Variants in BBS9 observed in about 807,000 individuals in gnomAD.
The protein encoded by BBS9 is protein PTHB1.
A neutral mutation model predicts 117.7 loss-of-function variants in BBS9; 89 were observed. The ratio of observed to expected loss-of-function variants is 0.76; its 90% CI spans 0.64 to 0.90. BBS9 has a LOEUF of 0.90. BBS9 is among the 40% of genes least tolerant of loss of function. The pLI is 0.00. For synonymous variants in BBS9, 379 were observed against 370.9 expected (o/e 1.02, Z -0.25); for missense variants, 982 against 1,042.2 (o/e 0.94, Z 0.80).
chr7:33,208,780 C>A (rs1787446236), intron 5 of BBS9, among the ~76,000 whole-genome samples: 1 of 145,436 alleles, frequency 6.9e-6, no homozygotes, highest in South Asian at 2.2e-4. Flanking sequence ...CTATTATTTT[C>A]TGAATTCAGG....
At chr7:33,500,097 G>T (rs1282982110) in intron 19 of BBS9, among the ~76,000 whole-genome samples, 14 of 152,296 alleles carry the variant, frequency 9.2e-5, no homozygotes. Flanking sequence ...TACAAGTTAT[G>T]AACTAATTTC....
At chr7:33,477,519 T>G (rs1224403040) in intron 19 of BBS9, among the ~76,000 whole-genome samples, 1 of 152,178 alleles carries the variant, frequency 6.6e-6, no homozygotes, top group East Asian at 1.9e-4. Flanking sequence ...TATTATTTTT[T>G]TTAAAGCTTG....
chr7:33,340,922 A>G lies in BBS9; in HGVS notation c.1224A>G (p.Glu408=). 3 of 1,613,644 alleles carry G rather than the reference A, an allele frequency of 1.9e-6. No homozygotes were observed. The highest frequency in any genetic ancestry group is 2.5e-6 in the Non-Finnish European group (3 of 1,179,656). ...SQGVWPMTER[E]DDLNVSVVVS... ...GTGTTTGGCCCATGACTGAGAGAGA[A>G]GATGACTTGAACGTTTCTGTCGTGG... Residue 408 remains glutamate (E), a synonymous_variant, in exon 11 of 23, where the codon GAA becomes GAG. Transcript: ENST00000242067.
intron 21 of BBS9, among the ~76,000 whole-genome samples, chr7:33,562,223 A>G (rs1035025690): frequency 6.6e-6 from 1 of 152,246 alleles, no homozygotes; most frequent in Non-Finnish European, 1.5e-5. Flanking sequence ...AAAGGATGAA[A>G]TTGAAATGTA....
intron 5 of BBS9, chr7:33,177,805 G>A (rs1453287719): frequency 1.8e-6 from 1 of 546,704 alleles, no homozygotes; most frequent in Non-Finnish European, 3.3e-6. Flanking sequence ...TCAGGGTCAG[G>A]CCTGGTTAGT....
chr7:33,418,070 G>A (rs1319789928), intron 19 of BBS9, among the ~76,000 whole-genome samples: 1 of 152,162 alleles, frequency 6.6e-6, no homozygotes, highest in Non-Finnish European at 1.5e-5. Context: ...GTATAGGGTA[G>A]GTGTCTCTAA....
intron 17 of BBS9, among the ~76,000 whole-genome samples, chr7:33,374,677 G>A (rs763645905): frequency 2.0e-5 from 3 of 152,024 alleles, no homozygotes; most frequent in African/African-American, 4.8e-5. Context: ...CGAGGTGGGT[G>A]GATCACCTAA....
chr7:33,567,287 CT>C (rs557558774), intron 21 of BBS9, among the ~76,000 whole-genome samples: 126 of 152,318 alleles, frequency 8.3e-4, no homozygotes, highest in African/African-American at 2.9e-3. Context: ...TCTCTCTCTT[CT>C]TTAAATGTGC....
Position 33,152,835 on chromosome 7 carries a change from G to C in BBS9, c.247G>C (p.Val83Leu). ...DLRDPVLQVE[V>L]GKFVSGTEML... The stretch of plus-strand genomic sequence containing the variant: ...ACGAGATCCAGTACTTCAAGTGGAA[G>C]TAGGAAAGTTTGTTTCGTAAGTAAG... The change falls in exon 3 of 23, where the codon GTA becomes CTA. Residue 83 changes from valine to leucine, a missense_variant. Physicochemically the swap from Val to Leu is conservative, Grantham distance 32. Coordinates refer to ENST00000242067, the MANE Select transcript of BBS9 (RefSeq NM_198428.3). 1 of 1,613,996 alleles carries C rather than the reference G, an allele frequency of 6.2e-7. No homozygotes were observed. Among genetic ancestry groups the C allele is most frequent in the Non-Finnish European group, 8.5e-7 (1 of 1,179,962 alleles).
chr7:33,602,977 A>T (rs573506944), intron 21 of BBS9, among the ~76,000 whole-genome samples: 2 of 152,188 alleles, frequency 1.3e-5, no homozygotes, highest in Non-Finnish European at 2.9e-5. Context: ...AGCCCACGTG[A>T]TAGAGAACTA....
At chr7:33,440,039 T>C (rs1436755404) in intron 19 of BBS9, among the ~76,000 whole-genome samples, 2 of 152,190 alleles carry the variant, frequency 1.3e-5, no homozygotes, top group Non-Finnish European at 2.9e-5. Context: ...TAATGTTTCC[T>C]TGCAGTGTGA....
chr7:33,170,824 G>T (rs1239454960), intron 4 of BBS9, among the ~76,000 whole-genome samples: 2 of 151,742 alleles, frequency 1.3e-5, no homozygotes, highest in Non-Finnish European at 2.9e-5. Context: ...CAAACAGAGA[G>T]CCAAATCATG....
rs73097267 is a variant in BBS9 at position 33,234,832 on chromosome 7, T to C, written c.443-22404T>C. Among the ~76,000 whole-genome samples the C allele has an allele frequency of 8.2e-3, 1,252 of 152,208 alleles. 6 individuals are homozygous for C. The highest frequency in any genetic ancestry group is 0.014 in the Non-Finnish European group (944 of 67,970). ...TAAGGTTTGAATGGCATAATGGCAG[T>C]CTCAAGGGAATGGAGAAAAAGTTCT... On this transcript the variant is annotated intron_variant, in intron 5 of 22. Coordinates refer to ENST00000242067, the MANE Select transcript of BBS9 (RefSeq NM_198428.3).
At chr7:33,206,490 C>A (rs1786951689) in intron 5 of BBS9, among the ~76,000 whole-genome samples, 1 of 151,968 alleles carries the variant, frequency 6.6e-6, no homozygotes, top group Admixed American at 6.6e-5. Flanking sequence ...ATCCCTTTAC[C>A]CAGGTTTGCC....
intron 5 of BBS9, among the ~76,000 whole-genome samples, chr7:33,216,415 G>A (rs1338161539): frequency 2.0e-5 from 3 of 152,280 alleles, no homozygotes; most frequent in East Asian, 3.9e-4. Flanking sequence ...AAAGGGATTA[G>A]TGTGTCTGCA....
intron 21 of BBS9, among the ~76,000 whole-genome samples, chr7:33,577,276 A>G (rs1340818528): frequency 6.6e-6 from 1 of 152,260 alleles, no homozygotes; most frequent in Admixed American, 6.5e-5. Flanking sequence ...GAAGACGTTT[A>G]TGCAGGCAAC....
rs537357069 is a variant in BBS9 at position 33,146,802 on chromosome 7, G to GT, written c.112+446dup. On this transcript the variant is annotated intron_variant, in intron 2 of 22. Transcript: ENST00000242067. ...ATAATTGTACCTAATTTTGAAGGTA[G>GT]TTTTTTTTAATAATATTTAGGTATC... Among the ~76,000 whole-genome samples the GT allele has an allele frequency of 2.8e-3, 424 of 151,408 alleles. 1 individual carries two copies. Among genetic ancestry groups the GT allele is most frequent in the Non-Finnish European group, 4.9e-3 (335 of 67,866 alleles).
At chr7:33,629,005 C>G (rs1445508357) in intron 21 of BBS9, among the ~76,000 whole-genome samples, 1 of 152,118 alleles carries the variant, frequency 6.6e-6, no homozygotes, top group Non-Finnish European at 1.5e-5. Flanking sequence ...TGAGGGGCTC[C>G]CTAGTTAACC....
chr7:33,150,904 A>G (rs550548882), intron 2 of BBS9, among the ~76,000 whole-genome samples: 1 of 152,330 alleles, frequency 6.6e-6, no homozygotes, highest in Non-Finnish European at 1.5e-5. Flanking sequence ...GAGTTTAGTC[A>G]GGAGTCACAT....
Sources: allele counts gnomAD v4.1 joint callset (sites outside exome capture counted in the v4.1 genomes callset), GRCh38; gene constraint gnomAD v4.1.1; transcripts MANE v1.5; gene names NCBI Gene and HGNC (gene_info 2026-07-23, HGNC 2026-07-21).